The following EFR3B variants were observed in gnomAD, a reference collection of about 807,000 sequenced individuals.
EFR3B encodes the protein protein EFR3 homolog B.
In EFR3B, 64 loss-of-function variants were observed where a neutral mutation model predicts 104.7. The ratio of observed to expected loss-of-function variants is 0.61; its 90% CI spans 0.50 to 0.75. EFR3B has a LOEUF of 0.75. EFR3B is among the 30% of genes least tolerant of loss of function. The pLI is 0.00. For synonymous variants in EFR3B, 385 were observed against 417.9 expected (o/e 0.92, Z 0.96); for missense variants, 750 against 1,078.5 (o/e 0.70, Z 4.27).
chr2:25,138,989 G>A (rs1444171745), intron 15 of EFR3B, 70 bp from the exon 16 acceptor site: 11 of 1,533,720 alleles, frequency 7.2e-6, no homozygotes, highest in African/African-American at 1.4e-5. Flanking sequence ...GGAAGAGGTC[G>A]GGTGGAGCGT....
intron 1 of EFR3B, among the ~76,000 whole-genome samples, chr2:25,082,866 G>A (rs1246223409): frequency 6.6e-6 from 1 of 152,186 alleles, no homozygotes; most frequent in African/African-American, 2.4e-5. Flanking sequence ...AAATTAAAGT[G>A]GAATGCTGGT....
intron 1 of EFR3B, chr2:25,080,850 G>T (rs1668784239): frequency 3.5e-6 from 3 of 854,194 alleles, no homozygotes; most frequent in Non-Finnish European, 6.1e-6. Flanking sequence ...TCTTATCATG[G>T]TTGCATCATA....
intron 21 of EFR3B, among the ~76,000 whole-genome samples, chr2:25,153,298 G>C (rs1671064176): frequency 6.6e-6 from 1 of 152,112 alleles, no homozygotes; most frequent in Non-Finnish European, 1.5e-5. Flanking sequence ...AGGTTGCAGT[G>C]AGCTGAGGTC....
At chr2:25,056,128 G>A (rs1201793529) in intron 1 of EFR3B, among the ~76,000 whole-genome samples, 1 of 152,192 alleles carries the variant, frequency 6.6e-6, no homozygotes, top group Non-Finnish European at 1.5e-5. Context: ...AGAGAGTCCT[G>A]TAGTGACAGC....
chr2:25,069,406 A>G (rs1668428768), intron 1 of EFR3B, among the ~76,000 whole-genome samples: 1 of 152,208 alleles, frequency 6.6e-6, no homozygotes, highest in Admixed American at 6.5e-5. Flanking sequence ...ATACTAATGT[A>G]GGCTAGGCGA....
In EFR3B at chr2:25,129,965, G is replaced by T; in HGVS notation, c.636-10G>T. 1 of 1,551,110 alleles carries T rather than the reference G, an allele frequency of 6.4e-7. No homozygotes were observed. The highest frequency in any genetic ancestry group is 8.7e-7 in the Non-Finnish European group (1 of 1,146,946). The stretch of plus-strand genomic sequence containing the variant: ...TGCCACCCTCTACCCATGTGCCTCT[G>T]TCTCCCCAGCCGGTCTCCCTCACCC... On this transcript the variant is annotated splice_polypyrimidine_tract_variant and intron_variant, in intron 6 of 22. Coordinates refer to ENST00000403714, the MANE Select transcript of EFR3B (RefSeq NM_014971.2).
intron 4 of EFR3B, among the ~76,000 whole-genome samples, chr2:25,112,908 G>A (rs1025472560): frequency 7.2e-5 from 11 of 152,156 alleles, no homozygotes; most frequent in African/African-American, 2.7e-4. Context: ...AGAGGGAATG[G>A]CTATCTTCTG....
chr2:25,134,461 T>C (rs569748881), intron 12 of EFR3B, among the ~76,000 whole-genome samples: 1 of 152,326 alleles, frequency 6.6e-6, no homozygotes, highest in African/African-American at 2.4e-5. Context: ...TGAGCCACTG[T>C]GCCCGGCCTC....
chr2:25,063,236 G>A (rs1668247045), intron 1 of EFR3B, among the ~76,000 whole-genome samples: 1 of 152,120 alleles, frequency 6.6e-6, no homozygotes, highest in Non-Finnish European at 1.5e-5. Context: ...CACTGTGCCT[G>A]GCCGAAGGAT....
chr2:25,129,947 C>G, intron 6 of EFR3B, 28 bp from the exon 7 acceptor site: 1 of 1,550,296 alleles, frequency 6.5e-7, no homozygotes. Flanking sequence ...GCATGCCACC[C>G]TCTACCCATG....
At chr2:25,050,515 G>A (rs1010188031) in intron 1 of EFR3B, among the ~76,000 whole-genome samples, 2 of 152,178 alleles carry the variant, frequency 1.3e-5, no homozygotes, top group East Asian at 3.9e-4. Flanking sequence ...TAAAATGGGG[G>A]TTATATAAGC....
chr2:25,133,328 G>C, intron 11 of EFR3B, 55 bp from the exon 12 acceptor site: 1 of 1,525,702 alleles, frequency 6.6e-7, no homozygotes, highest in Non-Finnish European at 8.9e-7. Flanking sequence ...GCTGGCAAGT[G>C]TGTGACCTCT....
At chr2:25,048,496 T>C (rs1667781002) in intron 1 of EFR3B, among the ~76,000 whole-genome samples, 1 of 152,236 alleles carries the variant, frequency 6.6e-6, no homozygotes, top group Admixed American at 6.5e-5. Flanking sequence ...GGAGAAGTAC[T>C]TGGTACTCAA....
intron 1 of EFR3B, among the ~76,000 whole-genome samples, chr2:25,059,881 A>C (rs1403508486): frequency 6.7e-6 from 1 of 148,788 alleles, no homozygotes; most frequent in Non-Finnish European, 1.5e-5. Flanking sequence ...GTCTCAAAAA[A>C]AAAAAAAAAA....
chr2:25,095,931 C>G (rs1229468545), intron 3 of EFR3B, among the ~76,000 whole-genome samples: 1 of 152,174 alleles, frequency 6.6e-6, no homozygotes, highest in Non-Finnish European at 1.5e-5. Context: ...GGAGAACACT[C>G]AGATATTCCT....
rs529584342 is a variant in EFR3B at position 25,110,048 on chromosome 2, C to G, written c.363+6261C>G. 2.6e-5 allele frequency among the ~76,000 whole-genome samples: 4 copies of G among 152,160 alleles called. No individual in the cohort carries two copies. In the South Asian group the frequency reaches 8.3e-4, roughly 32 times the overall value. ...GCCAGGGTCATGGGGATCCTGGAGA[C>G]GTCCCTCCTTGTGACTCAGGCTGTG... On this transcript the variant is annotated intron_variant, in intron 4 of 22. Coordinates refer to ENST00000403714, the MANE Select transcript of EFR3B (RefSeq NM_014971.2).
At chr2:25,060,899 C>T (rs374081629) in intron 1 of EFR3B, among the ~76,000 whole-genome samples, 5 of 148,404 alleles carry the variant, frequency 3.4e-5, no homozygotes, top group Admixed American at 6.8e-5. Flanking sequence ...CCAGCCTGGG[C>T]GACACGACGA....
chr2:25,062,107 TAACTTAATGCTCAGAAGTGAGC>T (rs1423261424), intron 1 of EFR3B, among the ~76,000 whole-genome samples: 2 of 152,340 alleles, frequency 1.3e-5, no homozygotes, highest in Middle Eastern at 6.8e-3. Flanking sequence ...TTTTTCCCTA[TAACTTAATGCTCAGAAGTGAGC>T]ATGTATTTTT....
intron 3 of EFR3B, among the ~76,000 whole-genome samples, chr2:25,099,383 GA>G (rs569932443): frequency 2.0e-4 from 31 of 152,180 alleles, no homozygotes; most frequent in Non-Finnish European, 4.3e-4. Flanking sequence ...GGAGCTCAAA[GA>G]GCCAAGGCTG....
Sources: allele counts gnomAD v4.1 joint callset (sites outside exome capture counted in the v4.1 genomes callset), GRCh38; gene constraint gnomAD v4.1.1; transcripts MANE v1.5; gene names NCBI Gene and HGNC (gene_info 2026-07-23, HGNC 2026-07-21).